The following ODF4 variants were observed in gnomAD, a reference collection of about 807,000 sequenced individuals.
ODF4 encodes outer dense fiber protein 4.
ODF4 carries 11 observed loss-of-function variants against 17.0 expected under a neutral mutation model. The observed-to-expected ratio is 0.65, with a 90% confidence interval of 0.41 to 1.07. The LOEUF is 1.07. Ranked by LOEUF, ODF4 falls within the 50% of genes least tolerant of loss-of-function variation. The pLI, the probability that ODF4 is intolerant of heterozygous loss-of-function variation, is 0.00. For missense variants in ODF4, 281 were observed against 310.2 expected, an observed-to-expected ratio of 0.91 and a Z score of 0.71; for synonymous variants, 127 against 121.8, an observed-to-expected ratio of 1.04 and a Z score of -0.28.
At chr17:8,342,592 T>C (rs1906068775) in intron 1 of ODF4, among the ~76,000 whole-genome samples, 1 of 152,176 alleles carries the variant, frequency 6.6e-6, no homozygotes, top group Non-Finnish European at 1.5e-5. Context: ...TAGGATTAGG[T>C]GTGTATAAAC....
intron 1 of ODF4, among the ~76,000 whole-genome samples, chr17:8,343,133 C>A (rs1023744789): frequency 1.5e-5 from 2 of 133,458 alleles, no homozygotes; most frequent in Non-Finnish European, 3.3e-5. Flanking sequence ...GCTTATTGGA[C>A]ATTTTTTTTT....
At chr17:8,344,801 AT>A (rs1269408156) in intron 1 of ODF4, 2 of 904,788 alleles carry the variant, frequency 2.2e-6, no homozygotes, top group Non-Finnish European at 2.6e-6. Flanking sequence ...ATTTTCTTGT[AT>A]TTGCTCATTT....
chr17:8,340,160 G>A lies in ODF4; in HGVS notation c.109G>A (p.Gly37Ser), dbSNP rs2151655749. 6.3e-7 allele frequency: 1 copy of A among 1,593,344 alleles called. No individual in the cohort carries two copies. Among genetic ancestry groups the A allele is most frequent in the East Asian group, 2.2e-5 (1 of 44,670 alleles). ...GAGTGGGGAGGCAGGATGGGGCACA[G>A]GTGAGCTGGGACAAGATGGGAGACT... The part of the protein sequence containing the change: ...RKSGEAGWGT[G>S]ELGQDGRLLS... The change falls in exon 1 of 3, where the codon GGT becomes AGT. Residue 37 changes from glycine (G) to serine (S), a missense_variant. Gly to Ser is a moderately conservative substitution (Grantham distance 56). Coordinates refer to ENST00000328248, the MANE Select transcript of ODF4 (RefSeq NM_153007.5).
At chr17:8,340,777 T>C (rs1348800045) in intron 1 of ODF4, among the ~76,000 whole-genome samples, 1 of 151,708 alleles carries the variant, frequency 6.6e-6, no homozygotes, top group Admixed American at 6.6e-5. Context: ...GAGTTGGGCA[T>C]GGTGCTGCAC....
chr17:8,341,402 A>G (rs1597475665), intron 1 of ODF4, among the ~76,000 whole-genome samples: 1 of 151,862 alleles, frequency 6.6e-6, no homozygotes, highest in South Asian at 2.1e-4. Context: ...GCTTTTCTGG[A>G]TCATTTTCCT....
Position 8,343,815 on chromosome 17 carries a change from A to AGTGTGTGTGT in ODF4, c.455-1503_455-1494dup, listed in dbSNP as rs61128515. Among the ~76,000 whole-genome samples the AGTGTGTGTGT allele has an allele frequency of 2.3e-4, 21 of 90,646 alleles. 5 individuals are homozygous for AGTGTGTGTGT. Among genetic ancestry groups the AGTGTGTGTGT allele is most frequent in the African/African-American group, 1.0e-3 (19 of 18,746 alleles). The allele number at this position is 90,646 out of a possible 152,430, so 59.5% of individuals were successfully genotyped here. ...AGGTGTGAGCCACCGCACCCAGCCA[A>AGTGTGTGTGT]GTGTGTGTGTGTGTGTGTGTGTGTG... On this transcript the variant is annotated intron_variant, in intron 1 of 2. Coordinates refer to ENST00000328248, the MANE Select transcript of ODF4 (RefSeq NM_153007.5).
chr17:8,343,071 C>T (rs1241035486), intron 1 of ODF4, among the ~76,000 whole-genome samples: 1 of 151,830 alleles, frequency 6.6e-6, no homozygotes, highest in Non-Finnish European at 1.5e-5. Context: ...CACAATAACA[C>T]AATGTATGGG....
At position 8,345,261 on chromosome 17, in the gene ODF4, G is replaced by A; in HGVS notation, c.455-82G>A. On this transcript the variant is annotated intron_variant, in intron 1 of 2. Transcript: ENST00000328248. The surrounding 1 kb of genome is among the most constrained non-coding windows in gnomAD (Gnocchi z 4.1). The stretch of plus-strand genomic sequence containing the variant: ...CACTCTGTGTGTGGTGATGTGGTTT[G>A]TGGCTGTAGCCTAGCAGATGAGGAA... 1 of 1,314,500 alleles carries A rather than the reference G, an allele frequency of 7.6e-7. No individual in the cohort carries two copies. 81.4% of individuals were successfully genotyped at this position (1,314,500 alleles called of 1,614,324 possible). A position where few individuals can be genotyped will look rare whatever the true frequency, so the allele number is the denominator to read the frequency against.
rs1342039370 is a variant in ODF4, at chr17:8,345,822, G to A, written c.744G>A (p.Leu248=). The A allele has an allele frequency of 1.9e-6, 3 of 1,613,940 alleles. No individual in the cohort carries two copies. The highest frequency in any genetic ancestry group is 2.5e-6 in the Non-Finnish European group (3 of 1,179,980). ...CCCCCATCACCCAGGAGGGAGTCCT[G>A]GATCCTGAGCAGAAGGATACACATG... The part of the protein sequence containing the change: ...TDTPITQEGV[L]DPEQKDTHV Residue 248 remains leucine (L), a synonymous_variant, in exon 3 of 3, where the codon CTG becomes CTA. Transcript: ENST00000328248. This position sits in a 1 kb window ranked among gnomAD's most constrained non-coding sequence, Gnocchi z 4.1.
At chr17:8,341,020 C>T (rs1057287217) in intron 1 of ODF4, among the ~76,000 whole-genome samples, 15 of 152,052 alleles carry the variant, frequency 9.9e-5, no homozygotes, top group Admixed American at 7.9e-4. Flanking sequence ...GAAACCCCGT[C>T]TCTACTAAAA....
In ODF4 at chr17:8,345,634, A is replaced by T; in HGVS notation, c.590-34A>T. On this transcript the variant is annotated intron_variant, in intron 2 of 2. Coordinates refer to ENST00000328248, the MANE Select transcript of ODF4 (RefSeq NM_153007.5). The surrounding 1 kb of genome is among the most constrained non-coding windows in gnomAD (Gnocchi z 4.1). The stretch of plus-strand genomic sequence containing the variant: ...ACTTGTCACTTAACCTCCCAGTCAC[A>T]ACTTTCCTCTCCCCTGTCCCTGTCC... 1 of 1,599,124 alleles carries T rather than the reference A, an allele frequency of 6.3e-7. No homozygotes were observed. Among genetic ancestry groups the T allele is most frequent in the Non-Finnish European group, 8.6e-7 (1 of 1,167,936 alleles).
At chr17:8,344,984 G>GC in intron 1 of ODF4, 4 of 1,028,806 alleles carry the variant, frequency 3.9e-6, no homozygotes, top group Non-Finnish European at 4.7e-6. Context: ...TGCCCTACCT[G>GC]CCCGCTGTTC....
Position 8,345,039 on chromosome 17 carries a change from GA to G in ODF4, c.455-302del. 1 of 1,096,704 alleles carries G rather than the reference GA, an allele frequency of 9.1e-7. No homozygotes were observed. Among genetic ancestry groups the G allele is most frequent in the Non-Finnish European group, 1.1e-6 (1 of 894,602 alleles). 67.9% of individuals were successfully genotyped at this position (1,096,704 alleles called of 1,614,324 possible). Reference sequence around the variant, plus strand: ...CTTCGGGACCATCTTGAGCTTCTGTGAAGGTGCCTCCTAGCTCTGGAAAGGT... The same window carrying G: ...CTTCGGGACCATCTTGAGCTTCTGTGAGGTGCCTCCTAGCTCTGGAAAGGT... On this transcript the variant is annotated intron_variant, in intron 1 of 2. Coordinates refer to ENST00000328248, the MANE Select transcript of ODF4 (RefSeq NM_153007.5). The surrounding 1 kb of genome is among the most constrained non-coding windows in gnomAD (Gnocchi z 4.1).
chr17:8,340,287 T>C lies in ODF4; in HGVS notation c.236T>C (p.Met79Thr), dbSNP rs1567687171. 1 of 1,614,040 alleles carries C rather than the reference T, an allele frequency of 6.2e-7. No individual in the cohort carries two copies. The highest frequency in any genetic ancestry group is 8.5e-7 in the Non-Finnish European group (1 of 1,179,952). ...AGAATCACACACAGCTTCCGCTGGA[T>C]GGCCCAGGTGTTGGCCTCTGAGCTC... Reference protein sequence around the residue: ...QWRITHSFRWMAQVLASELSL... With the variant: ...QWRITHSFRWTAQVLASELSL... The change falls in exon 1 of 3, where the codon ATG (methionine) becomes ACG (threonine). Residue 79 changes from methionine (M) to threonine (T), a missense_variant. Coordinates refer to ENST00000328248, the MANE Select transcript of ODF4 (RefSeq NM_153007.5).
At chr17:8,344,535 T>C (rs1906151542) in intron 1 of ODF4, among the ~76,000 whole-genome samples, 1 of 127,732 alleles carries the variant, frequency 7.8e-6, no homozygotes, top group South Asian at 2.4e-4. Flanking sequence ...CGTCTCGCTC[T>C]GTTGCCCAGG....
rs150455503 is a variant in ODF4, at chr17:8,340,041, TG to T, written c.-9del. ...GGGAAAGGGGAGACAGAGGGTGAAGTGGTGCTCAAGATGGATGCAGAGTACT... is the reference window on the plus strand; with the variant it reads ...GGGAAAGGGGAGACAGAGGGTGAAGTGTGCTCAAGATGGATGCAGAGTACT... On this transcript the variant is annotated 5_prime_UTR_variant, in exon 1 of 3. Coordinates refer to ENST00000328248, the MANE Select transcript of ODF4 (RefSeq NM_153007.5). 2.1e-5 allele frequency: 32 copies of T among 1,496,656 alleles called. No individual in the cohort carries two copies. In the East Asian group the frequency reaches 7.3e-4, roughly 34 times the overall value. The allele number at this position is 1,496,656 out of a possible 1,614,324, so 92.7% of individuals were successfully genotyped here. A position where few individuals can be genotyped will look rare whatever the true frequency, so the allele number is the denominator to read the frequency against.
chr17:8,344,972 C>CG, intron 1 of ODF4: 1 of 1,022,808 alleles, frequency 9.8e-7, no homozygotes, highest in Non-Finnish European at 1.2e-6. Context: ...TCTGGTTGCA[C>CG]CTGCCCTACC....
chr17:8,341,094 G>A (rs1383498876), intron 1 of ODF4, among the ~76,000 whole-genome samples: 2 of 151,932 alleles, frequency 1.3e-5, no homozygotes, highest in African/African-American at 2.4e-5. Flanking sequence ...GGAGACTGAG[G>A]CAGGAGAATT....
chr17:8,342,719 C>G (rs1289896459), intron 1 of ODF4, among the ~76,000 whole-genome samples: 4 of 152,088 alleles, frequency 2.6e-5, no homozygotes, highest in South Asian at 4.1e-4. Context: ...TATTCAGAGA[C>G]AAGCATCTAT....
Sources: allele counts gnomAD v4.1 joint callset (sites outside exome capture counted in the v4.1 genomes callset), GRCh38; gene constraint gnomAD v4.1.1; non-coding constraint Gnocchi (gnomAD v3.1); transcripts MANE v1.5; gene names NCBI Gene and HGNC (gene_info 2026-07-23, HGNC 2026-07-21).